CNTNAP2: variants seen among roughly 807,000 people sequenced by gnomAD.
The protein encoded by CNTNAP2 is contactin-associated protein-like 2.
CNTNAP2 carries 98 observed loss-of-function variants against 155.2 expected under a neutral mutation model. The observed-to-expected ratio is 0.63, with a 90% CI of 0.54 to 0.75. The LOEUF (loss-of-function observed/expected upper bound fraction) is 0.75. Ranked by LOEUF, CNTNAP2 falls within the 30% of genes least tolerant of loss-of-function variation. The pLI, the probability that CNTNAP2 is intolerant of heterozygous loss-of-function variation, is 0.00. For synonymous variants in CNTNAP2, 651 were observed against 631.2 expected, an observed-to-expected ratio of 1.03 and a Z score of -0.47; for missense variants, 1,727 against 1,688.1, an observed-to-expected ratio of 1.02 and a Z score of -0.40.
At chr7:146,911,370 G>A (rs1203388233) in intron 3 of CNTNAP2, among the ~76,000 whole-genome samples, 7 of 151,886 alleles carry the variant, frequency 4.6e-5, no homozygotes, top group Admixed American at 2.6e-4. Flanking sequence ...TGTTTATCGC[G>A]GCATTATTCA....
chr7:146,672,497 T>C (rs556545025), intron 1 of CNTNAP2, among the ~76,000 whole-genome samples: 6 of 152,204 alleles, frequency 3.9e-5, no homozygotes, highest in East Asian at 1.9e-4. Flanking sequence ...AAACAAGTCA[T>C]AGGACCAGTG....
At chr7:146,744,652 A>T (rs780330327) in intron 1 of CNTNAP2, among the ~76,000 whole-genome samples, 1 of 152,132 alleles carries the variant, frequency 6.6e-6, no homozygotes, top group Non-Finnish European at 1.5e-5. Context: ...GTTTACCAAG[A>T]CCTCCAATGT....
chr7:147,640,443 A>C (rs745887742), intron 13 of CNTNAP2, among the ~76,000 whole-genome samples: 6 of 152,144 alleles, frequency 3.9e-5, no homozygotes, highest in Non-Finnish European at 8.8e-5. Flanking sequence ...TACTTATAAG[A>C]CTTGATACAC....
At chr7:146,233,621 C>T (rs1464979023) in intron 1 of CNTNAP2, among the ~76,000 whole-genome samples, 4 of 152,170 alleles carry the variant, frequency 2.6e-5, no homozygotes, top group African/African-American at 9.7e-5. Context: ...CCCCTTCCCC[C>T]CACACCACAA....
At chr7:147,245,463 C>G (rs1804038312) in intron 8 of CNTNAP2, among the ~76,000 whole-genome samples, 1 of 152,018 alleles carries the variant, frequency 6.6e-6, no homozygotes, top group Admixed American at 6.6e-5. Flanking sequence ...TTGGTCCAGA[C>G]AGCCACTGCC....
intron 10 of CNTNAP2, among the ~76,000 whole-genome samples, chr7:147,467,554 T>C (rs920656624): frequency 2.6e-5 from 4 of 152,170 alleles, no homozygotes; most frequent in African/African-American, 7.2e-5. Flanking sequence ...GGAGGAAGTA[T>C]TGAAAGGTCA....
chr7:147,662,656 A>G (rs946920168), intron 13 of CNTNAP2, among the ~76,000 whole-genome samples: 17 of 152,146 alleles, frequency 1.1e-4, no homozygotes, highest in African/African-American at 3.9e-4. Context: ...AATTATTCCT[A>G]CTGGTGATAA....
At chr7:147,246,027 C>T (rs1459690169) in intron 8 of CNTNAP2, among the ~76,000 whole-genome samples, 1 of 115,672 alleles carries the variant, frequency 8.6e-6, no homozygotes, top group African/African-American at 3.8e-5. Flanking sequence ...AAGACTCACA[C>T]ATACACATAT....
intron 9 of CNTNAP2, among the ~76,000 whole-genome samples, chr7:147,327,986 A>G (rs13238470): frequency 0.19 from 29,336 of 152,132 alleles, 3,133 homozygotes; most frequent in Non-Finnish European, 0.24. Flanking sequence ...AAAAAATCAC[A>G]TACTCTAGTA....
intron 14 of CNTNAP2, among the ~76,000 whole-genome samples, chr7:147,930,040 A>T (rs774805423): frequency 4.2e-4 from 64 of 152,110 alleles, no homozygotes; most frequent in Admixed American, 1.0e-3. Flanking sequence ...CTCCTGCTGC[A>T]TGGCCTGGTT....
chr7:146,329,611 GA>G (rs1455389225), intron 1 of CNTNAP2, among the ~76,000 whole-genome samples: 5 of 152,086 alleles, frequency 3.3e-5, no homozygotes. Context: ...ACTTTCACTT[GA>G]AAACCTCAGC....
chr7:147,128,337 TTGAA>T (rs1293046234), intron 6 of CNTNAP2, among the ~76,000 whole-genome samples: 33 of 152,326 alleles, frequency 2.2e-4, no homozygotes, highest in African/African-American at 7.7e-4. Flanking sequence ...TAGTATGTCT[TTGAA>T]TGATAAACAT....
chr7:147,196,172 G>T (rs1004400332), intron 8 of CNTNAP2, among the ~76,000 whole-genome samples: 5 of 152,152 alleles, frequency 3.3e-5, no homozygotes, highest in African/African-American at 1.2e-4. Flanking sequence ...CAGACTTCTA[G>T]CCTCAAAAAT....
chr7:146,578,826 CAGTT>C (rs745426770), intron 1 of CNTNAP2, among the ~76,000 whole-genome samples: 2 of 152,230 alleles, frequency 1.3e-5, no homozygotes, highest in African/African-American at 2.4e-5. Flanking sequence ...TCGCTGTAGA[CAGTT>C]AGTAAATGTG....
At chr7:147,214,413 T>C (rs1302308287) in intron 8 of CNTNAP2, among the ~76,000 whole-genome samples, 1 of 152,138 alleles carries the variant, frequency 6.6e-6, no homozygotes, top group African/African-American at 2.4e-5. Context: ...TGCTCCTTTG[T>C]AAAATGGAGA....
chr7:148,340,767 A>G (rs1482750168), intron 21 of CNTNAP2, among the ~76,000 whole-genome samples: 1 of 152,236 alleles, frequency 6.6e-6, no homozygotes, highest in East Asian at 1.9e-4. Flanking sequence ...ATTCTTTCAT[A>G]GTATTTATTG....
At chr7:146,690,143 C>A (rs1362772419) in intron 1 of CNTNAP2, among the ~76,000 whole-genome samples, 2 of 151,958 alleles carry the variant, frequency 1.3e-5, no homozygotes, top group Non-Finnish European at 2.9e-5. Flanking sequence ...GCAAGAATTC[C>A]ATTTACTGGA....
At chr7:147,967,843 A>T (rs1234597475) in intron 14 of CNTNAP2, among the ~76,000 whole-genome samples, 1 of 152,208 alleles carries the variant, frequency 6.6e-6, no homozygotes, top group Non-Finnish European at 1.5e-5. Flanking sequence ...CACGTTAATG[A>T]GATATGGATC....
Position 146,810,498 on chromosome 7 carries a change from G to A in CNTNAP2, c.209-29213G>A, listed in dbSNP as rs113619630. 6.6e-3 allele frequency among the ~76,000 whole-genome samples: 998 copies of A among 151,832 alleles called. 15 individuals carry two copies. The highest frequency in any genetic ancestry group is 0.014 in the Middle Eastern group (4 of 292). On this transcript the variant is annotated intron_variant, in intron 2 of 23. Coordinates refer to ENST00000361727, the MANE Select transcript of CNTNAP2 (RefSeq NM_014141.6). Reference sequence around the variant, plus strand: ...TATGTAGATTTTATATGTAGATTTCGTATCTGCAACTTTACTGATTTAGTT... The same window carrying A: ...TATGTAGATTTTATATGTAGATTTCATATCTGCAACTTTACTGATTTAGTT...
Sources: allele counts gnomAD v4.1 joint callset (sites outside exome capture counted in the v4.1 genomes callset), GRCh38; gene constraint gnomAD v4.1.1; transcripts MANE v1.5; gene names NCBI Gene and HGNC (gene_info 2026-07-23, HGNC 2026-07-21).